The following ACTN4 variants were observed in gnomAD, a reference collection of about 807,000 sequenced individuals.
ACTN4 encodes the protein actinin alpha 4.
Under a neutral mutation model 114.2 loss-of-function variants are expected in ACTN4, and 18 were observed. That is an observed-to-expected ratio of 0.16 (90% confidence interval 0.11 to 0.23). The LOEUF (loss-of-function observed/expected upper bound fraction) is 0.23, where lower values mean the gene tolerates loss of function less well. ACTN4 is among the 10% of genes least tolerant of loss of function. The pLI is 1.00. For missense variants in ACTN4, 722 were observed against 1,262.9 expected, an observed-to-expected ratio of 0.57 and a Z score of 6.49; for synonymous variants, 515 against 506.3, an observed-to-expected ratio of 1.02 and a Z score of -0.23.
chr19:38,658,727 G>A (rs1000215632), intron 1 of ACTN4, among the ~76,000 whole-genome samples: 1 of 152,106 alleles, frequency 6.6e-6, no homozygotes, highest in Non-Finnish European at 1.5e-5. Flanking sequence ...CAGATGAATC[G>A]ACCCTTCTTA....
chr19:38,647,683 G>A lies in ACTN4; in HGVS notation c.-63G>A. 6.7e-7 allele frequency: 1 copy of A among 1,499,088 alleles called. No individual in the cohort carries two copies. The highest frequency in any genetic ancestry group is 2.2e-5 in the Admixed American group (1 of 45,544). 92.9% of individuals were successfully genotyped at this position (1,499,088 alleles called of 1,614,324 possible). A position where few individuals can be genotyped will look rare whatever the true frequency, so the allele number is the denominator to read the frequency against. On this transcript the variant is annotated 5_prime_UTR_variant, in exon 1 of 21. Transcript: ENST00000252699. The stretch of plus-strand genomic sequence containing the variant: ...GAAGCGGCGGTAGCGGCGGCGGCTC[G>A]GGCAGAGGGGCGGGAGCTGAGGCGG...
intron 12 of ACTN4, among the ~76,000 whole-genome samples, chr19:38,722,456 G>A (rs1309978556): frequency 1.4e-5 from 2 of 143,824 alleles, no homozygotes; most frequent in African/African-American, 4.9e-5. Flanking sequence ...TGAGTCCAAG[G>A]CCCGTTTATT....
chr19:38,674,961 G>T (rs1967328847), intron 1 of ACTN4, among the ~76,000 whole-genome samples: 1 of 152,212 alleles, frequency 6.6e-6, no homozygotes, highest in Admixed American at 6.5e-5. Context: ...AGGCATCTGA[G>T]ATTGGAGACA....
At chr19:38,726,056 A>G (rs1468471650) in intron 17 of ACTN4, among the ~76,000 whole-genome samples, 153 bp downstream of exon 17, 4 of 152,168 alleles carry the variant, frequency 2.6e-5, no homozygotes, top group African/African-American at 9.7e-5. Flanking sequence ...TGGGAGGCCA[A>G]GTGGGAGGAT....
intron 1 of ACTN4, chr19:38,693,671 C>G (rs1296465436): frequency 2.6e-5 from 4 of 152,268 alleles, no homozygotes; most frequent in Non-Finnish European, 5.9e-5. Context: ...GCTTAGGTCA[C>G]CTCCTGAACA....
chr19:38,720,978 C>T (rs971408533), intron 11 of ACTN4, among the ~76,000 whole-genome samples: 1 of 152,236 alleles, frequency 6.6e-6, no homozygotes, highest in Admixed American at 6.5e-5. Flanking sequence ...CTAATAACAG[C>T]GTTCCTCCTT....
intron 9 of ACTN4, among the ~76,000 whole-genome samples, 199 bp downstream of exon 9, chr19:38,714,760 G>C (rs1036702088): frequency 6.6e-6 from 1 of 152,220 alleles, no homozygotes; most frequent in Non-Finnish European, 1.5e-5. Context: ...CAGACCGGCA[G>C]CCACCTTGCC....
intron 1 of ACTN4, among the ~76,000 whole-genome samples, chr19:38,649,494 G>C (rs1000694735): frequency 6.6e-6 from 1 of 152,138 alleles, no homozygotes; most frequent in African/African-American, 2.4e-5. Flanking sequence ...CTGTGGCCTT[G>C]GACAAGACCC....
chr19:38,663,688 C>T (rs1411384142), intron 1 of ACTN4, among the ~76,000 whole-genome samples: 1 of 152,194 alleles, frequency 6.6e-6, no homozygotes, highest in Non-Finnish European at 1.5e-5. Flanking sequence ...CTACCAGTTC[C>T]TGTCCCCATG....
chr19:38,672,498 C>T (rs1010773943), intron 1 of ACTN4, among the ~76,000 whole-genome samples: 2 of 151,862 alleles, frequency 1.3e-5, no homozygotes, highest in Non-Finnish European at 2.9e-5. Flanking sequence ...GCCTTGGCTT[C>T]CCAAAGTGTT....
intron 12 of ACTN4, 84 bp downstream of exon 12, chr19:38,721,772 G>C (rs755729762): frequency 8.2e-6 from 13 of 1,582,098 alleles, no homozygotes; most frequent in Admixed American, 1.7e-5. Context: ...CCGAGGCCCA[G>C]CCTGCCTCAA....
chr19:38,731,069 C>T lies in ACTN4; in HGVS notation c.*1637C>T, dbSNP rs943935161. On this transcript the variant is annotated 3_prime_UTR_variant, in exon 21 of 21. Transcript: ENST00000252699. ...TGAGTGCCCACCAGTCCCCGTACCCCTTCCCCCCATGCCCCACCATGCCGG... is the reference window on the plus strand; with the variant it reads ...TGAGTGCCCACCAGTCCCCGTACCCTTTCCCCCCATGCCCCACCATGCCGG... 3 of 1,573,824 alleles carry T rather than the reference C, an allele frequency of 1.9e-6. No homozygotes were observed. Among genetic ancestry groups the T allele is most frequent in the Non-Finnish European group, 2.6e-6 (3 of 1,159,950 alleles).
chr19:38,719,695 C>T (rs933524088), intron 11 of ACTN4, among the ~76,000 whole-genome samples: 4 of 152,264 alleles, frequency 2.6e-5, no homozygotes, highest in African/African-American at 9.6e-5. Context: ...TGGCTCCAGC[C>T]GTCCTTATCC....
intron 7 of ACTN4, among the ~76,000 whole-genome samples, 189 bp downstream of exon 7, chr19:38,709,665 G>A (rs1484457969): frequency 1.3e-5 from 2 of 152,232 alleles, no homozygotes; most frequent in African/African-American, 4.8e-5. Context: ...GGGAGACAGA[G>A]CAAGGGTAGC....
intron 1 of ACTN4, among the ~76,000 whole-genome samples, chr19:38,671,603 T>C (rs1247407111): frequency 6.6e-6 from 1 of 152,232 alleles, no homozygotes; most frequent in Non-Finnish European, 1.5e-5. Context: ...GGAGAGTTGA[T>C]GGATTTCAGG....
At position 38,727,682 on chromosome 19, in the gene ACTN4, C is replaced by G. The variant is rs965431478; in HGVS notation, c.2338-264C>G. Among the ~76,000 whole-genome samples, 8 of 150,388 alleles carry G rather than the reference C, an allele frequency of 5.3e-5. No individual in the cohort carries two copies. The highest frequency in any genetic ancestry group is 7.4e-5 in the Non-Finnish European group (5 of 67,600). On this transcript the variant is annotated intron_variant, in intron 18 of 20. Transcript: ENST00000252699. This position sits in a 1 kb window ranked among gnomAD's most constrained non-coding sequence, Gnocchi z 5.4. ...GACTTGTCCTCAGTTCTGTAGCATC[C>G]AGCTGCCACCCCTGCTGTGGGCAGA...
intron 1 of ACTN4, among the ~76,000 whole-genome samples, chr19:38,694,891 T>C (rs1244187054): frequency 6.6e-6 from 1 of 151,982 alleles, no homozygotes; most frequent in Non-Finnish European, 1.5e-5. Context: ...GGGGGGCGGG[T>C]TGAGACAGGG....
Position 38,664,898 on chromosome 19 carries a change from G to C in ACTN4, c.162+16991G>C, listed in dbSNP as rs965006485. On this transcript the variant is annotated intron_variant, in intron 1 of 20. Transcript: ENST00000252699. ...ATGTATTGCTTCACTCCCACTTTGG[G>C]AGAGTTTTTTCTGGGGAAGTTAAAG... 2.0e-5 allele frequency among the ~76,000 whole-genome samples: 3 copies of C among 152,158 alleles called. No homozygotes were observed. In the East Asian group the frequency reaches 5.8e-4, roughly 29 times the overall value.
At chr19:38,690,394 GC>G (rs1272369538) in intron 1 of ACTN4, among the ~76,000 whole-genome samples, 1 of 152,210 alleles carries the variant, frequency 6.6e-6, no homozygotes, top group Non-Finnish European at 1.5e-5. Flanking sequence ...CTAGAGGCTC[GC>G]CATTGTTCCT....
Sources: gnomAD v4.1 joint callset for allele counts (sites outside exome capture counted in the v4.1 genomes callset) on GRCh38, gnomAD v4.1.1 for gene constraint, Gnocchi (gnomAD v3.1) non-coding constraint, MANE v1.5 for transcripts, NCBI Gene and HGNC (gene_info 2026-07-23, HGNC 2026-07-21) for gene names.